TRAPPC9: variants seen among roughly 807,000 people sequenced by gnomAD.
TRAPPC9 encodes trafficking protein particle complex subunit 9.
In TRAPPC9, 83 loss-of-function variants were observed where a neutral mutation model predicts 124.0. That is an observed-to-expected ratio of 0.67 (90% CI 0.56 to 0.80). The LOEUF is 0.80. Among genes scored for constraint, TRAPPC9 ranks in the 30% least tolerant of loss-of-function variants. The pLI, the probability that TRAPPC9 is intolerant of heterozygous loss-of-function variation, is 0.00. For missense variants in TRAPPC9, 1,302 were observed against 1,508.3 expected, an observed-to-expected ratio of 0.86 and a Z score of 2.27; for synonymous variants, 638 against 617.5, an observed-to-expected ratio of 1.03 and a Z score of -0.49.
intron 17 of TRAPPC9, among the ~76,000 whole-genome samples, chr8:140,157,799 A>C (rs962252699): frequency 6.6e-6 from 1 of 152,236 alleles, no homozygotes; most frequent in Non-Finnish European, 1.5e-5. Flanking sequence ...CTATAATCCC[A>C]AAACACAGAA....
At chr8:140,253,432 T>G (rs1466492829) in intron 15 of TRAPPC9, among the ~76,000 whole-genome samples, 1 of 152,046 alleles carries the variant, frequency 6.6e-6, no homozygotes, top group Non-Finnish European at 1.5e-5. Context: ...ATCCCAGCAC[T>G]TTGAAAGGCT....
At chr8:140,405,408 C>G (rs2069454760) in intron 6 of TRAPPC9, 169 bp downstream of exon 6, 1 of 705,818 alleles carries the variant, frequency 1.4e-6, no homozygotes, top group African/African-American at 1.8e-5. Context: ...TGTTTTGAAT[C>G]AGAAAAAGAA....
intron 1 of TRAPPC9, among the ~76,000 whole-genome samples, chr8:140,453,517 G>GCAGAGCCCACGAGGGACTAT (rs2071543430): frequency 6.6e-6 from 1 of 151,664 alleles, no homozygotes; most frequent in African/African-American, 2.4e-5. Context: ...GGCTATCCTG[G>GCAGAGCCCACGAGGGACTAT]ACATCACAAC....
At chr8:140,126,700 C>A (rs113778663) in intron 17 of TRAPPC9, among the ~76,000 whole-genome samples, 5,474 of 152,180 alleles carry the variant, frequency 0.036, 123 homozygotes, top group African/African-American at 0.054. Flanking sequence ...GCATAAGTAG[C>A]GAGAAGTAGC....
intron 19 of TRAPPC9, among the ~76,000 whole-genome samples, chr8:139,956,399 G>A (rs2131535353): frequency 6.6e-6 from 1 of 152,202 alleles, no homozygotes; most frequent in Admixed American, 6.5e-5. Context: ...TTGACCTTGT[G>A]ATCCGCCCAC....
intron 21 of TRAPPC9, among the ~76,000 whole-genome samples, chr8:139,839,606 C>T (rs377187871): frequency 1.3e-5 from 2 of 152,208 alleles, no homozygotes; most frequent in African/African-American, 4.8e-5. Context: ...TAGTCATGTT[C>T]GGAACCCACA....
At chr8:139,732,250 C>T (rs910980654) in intron 21 of TRAPPC9, 48 bp from the exon 22 acceptor site, 21 of 1,498,602 alleles carry the variant, frequency 1.4e-5, no homozygotes, top group Non-Finnish European at 1.9e-5. Flanking sequence ...CTGCACGGCC[C>T]AGCCGGCCTA....
Position 139,803,249 on chromosome 8 carries a change from T to C in TRAPPC9, c.3056-71047A>G, listed in dbSNP as rs540884512. Reference sequence around the variant, plus strand: ...ATGTCTGTGTGCTGTTGAGTGTGTGTGTGTCACAGGCTCTCATCAGGCTCA... The same window carrying C: ...ATGTCTGTGTGCTGTTGAGTGTGTGCGTGTCACAGGCTCTCATCAGGCTCA... On this transcript the variant is annotated intron_variant, in intron 21 of 22. Coordinates refer to ENST00000438773, the MANE Select transcript of TRAPPC9 (RefSeq NM_001160372.4). Among the ~76,000 whole-genome samples, 206 of 152,342 alleles carry C rather than the reference T, an allele frequency of 1.4e-3. 1 individual carries two copies. Among genetic ancestry groups the C allele is most frequent in the African/African-American group, 4.8e-3 (198 of 41,562 alleles).
intron 17 of TRAPPC9, among the ~76,000 whole-genome samples, chr8:140,092,202 CTTTTTTT>C: frequency 7.5e-6 from 1 of 134,084 alleles, no homozygotes; most frequent in Admixed American, 7.4e-5. Context: ...TTTAATTTTT[CTTTTTTT>C]TTTTTTTTGA....
chr8:140,290,151 A>C (rs1159718746), intron 12 of TRAPPC9, among the ~76,000 whole-genome samples: 1 of 152,160 alleles, frequency 6.6e-6, no homozygotes, highest in African/African-American at 2.4e-5. Flanking sequence ...CCAGGGCCTG[A>C]CCATCTCTGT....
upstream of TRAPPC9, chr8:140,458,276 C>T: frequency 6.4e-7 from 1 of 1,553,348 alleles, no homozygotes. Context: ...GTCCCCGCCG[C>T]TTACCAGTCC....
chr8:139,790,316 C>T (rs1057092425), intron 21 of TRAPPC9, among the ~76,000 whole-genome samples: 3 of 152,200 alleles, frequency 2.0e-5, no homozygotes, highest in South Asian at 2.1e-4. Flanking sequence ...TCAGAAGTTC[C>T]GAGCCCACCA....
chr8:140,408,196 G>A (rs1393759739), intron 5 of TRAPPC9, among the ~76,000 whole-genome samples: 1 of 152,122 alleles, frequency 6.6e-6, no homozygotes, highest in South Asian at 2.1e-4. Context: ...ATAGCCTGTA[G>A]ATTACAGGCA....
At chr8:140,169,549 T>C (rs1177456528) in intron 17 of TRAPPC9, among the ~76,000 whole-genome samples, 2 of 151,880 alleles carry the variant, frequency 1.3e-5, no homozygotes, top group Non-Finnish European at 2.9e-5. Flanking sequence ...ACAAACAGAA[T>C]GCGGATGTGG....
intron 21 of TRAPPC9, among the ~76,000 whole-genome samples, chr8:139,746,043 G>A (rs1325696925): frequency 6.6e-6 from 1 of 152,194 alleles, no homozygotes; most frequent in African/African-American, 2.4e-5. Flanking sequence ...AGGCCAGTGT[G>A]CACCTTCACT....
intron 3 of TRAPPC9, among the ~76,000 whole-genome samples, chr8:140,437,938 G>C (rs188638632): frequency 1.3e-5 from 2 of 152,144 alleles, no homozygotes; most frequent in Non-Finnish European, 2.9e-5. Flanking sequence ...CGACTGCTGC[G>C]GGGGATCAGA....
chr8:139,817,505 T>G (rs1824926599), intron 21 of TRAPPC9, among the ~76,000 whole-genome samples: 1 of 152,188 alleles, frequency 6.6e-6, no homozygotes, highest in African/African-American at 2.4e-5. Context: ...TGGATCGTCC[T>G]CACGGCCCTC....
intron 21 of TRAPPC9, among the ~76,000 whole-genome samples, chr8:139,739,803 G>C (rs1014393799): frequency 1.3e-5 from 2 of 152,238 alleles, no homozygotes; most frequent in Admixed American, 6.5e-5. Flanking sequence ...GAAGCTCTAG[G>C]AACACTGGCA....
Position 140,104,502 on chromosome 8 carries a change from G to T in TRAPPC9, c.2557-80423C>A, listed in dbSNP as rs544947251. Among the ~76,000 whole-genome samples the T allele has an allele frequency of 6.6e-6, 1 of 152,176 alleles. No homozygotes were observed. The highest frequency in any genetic ancestry group is 1.5e-5 in the Non-Finnish European group (1 of 68,044). ...ATCTTAGACAAATAATATGCAAGTA[G>T]TATGATGGCACGATGGGGGGAGCTG... On this transcript the variant is annotated intron_variant, in intron 17 of 22. Transcript: ENST00000438773. This position sits in a 1 kb window ranked among gnomAD's most constrained non-coding sequence, Gnocchi z 4.0.
Sources: allele counts gnomAD v4.1 joint callset (sites outside exome capture counted in the v4.1 genomes callset), GRCh38; gene constraint gnomAD v4.1.1; non-coding constraint Gnocchi (gnomAD v3.1); transcripts MANE v1.5; gene names NCBI Gene and HGNC (gene_info 2026-07-23, HGNC 2026-07-21).